Variants in AMPD1 observed in about 807,000 individuals in gnomAD.
AMPD1 encodes the protein adenosine monophosphate deaminase 1.
A neutral mutation model predicts 82.9 loss-of-function variants in AMPD1; 74 were observed. The observed-to-expected ratio is 0.89, with a 90% CI of 0.74 to 1.08. The LOEUF is 1.08. Among genes scored for constraint, AMPD1 ranks in the 50% least tolerant of loss-of-function variants. The pLI is 0.00. For missense variants in AMPD1, 881 were observed against 924.5 expected (o/e 0.95, Z 0.61); for synonymous variants, 333 against 320.5 (o/e 1.04, Z -0.42).
In AMPD1 at chr1:114,677,969, C is replaced by T; in HGVS notation, c.1165G>A (p.Asp389Asn). ...YNPVGASELR[D>N]LYLKTDNYIN... is the part of the protein sequence containing the mutation. ...TAATTGTCTGTCTTCAAGTAGAGGT[C>T]CCGTAGCTCACTTGCTCCTACAGGA... The change falls in exon 9 of 16, where the codon GAC (aspartate) becomes AAC (asparagine). Residue 389 changes from aspartate (D) to asparagine (N), a missense_variant. Transcript: ENST00000520113. The T allele has an allele frequency of 6.2e-7, 1 of 1,613,942 alleles. No homozygotes were observed. Among genetic ancestry groups the T allele is most frequent in the Non-Finnish European group, 8.5e-7 (1 of 1,179,982 alleles).
intron 2 of AMPD1, among the ~76,000 whole-genome samples, chr1:114,692,759 T>TC (rs1426540737): frequency 2.6e-5 from 4 of 151,918 alleles, no homozygotes; most frequent in Admixed American, 2.6e-4. Flanking sequence ...AACAATTTTT[T>TC]TTTTTTTTTT....
At chr1:114,685,641 T>C (rs1658292657) in intron 4 of AMPD1, among the ~76,000 whole-genome samples, 1 of 152,204 alleles carries the variant, frequency 6.6e-6, no homozygotes, top group South Asian at 2.1e-4. Context: ...GTGTACATTT[T>C]GTTCGTCCTC....
rs200977333 is a variant in AMPD1 at position 114,675,538 on chromosome 1, G to C, written c.1671C>G (p.Ser557Arg). Residue 557 changes from serine to arginine, a missense_variant, in exon 12 of 16, where the codon AGC (serine) becomes AGG (arginine). Ser to Arg is a moderately radical substitution (Grantham distance 110). Transcript: ENST00000520113. ...YMYANIMVLNSLRKERGMNTF... is the reference protein window; with the variant it reads ...YMYANIMVLNRLRKERGMNTF... Reference sequence around the variant, plus strand: ...AGCTGTCTCCTACTTACTTTCTCAGGCTGTTGAGCACCATGATGTTTGCAT... The same window carrying C: ...AGCTGTCTCCTACTTACTTTCTCAGCCTGTTGAGCACCATGATGTTTGCAT... 1.2e-6 allele frequency: 2 copies of C among 1,614,074 alleles called. No homozygotes were observed. Among genetic ancestry groups the C allele is most frequent in the Non-Finnish European group, 8.5e-7 (1 of 1,179,972 alleles).
In AMPD1 at chr1:114,676,010, G is replaced by A. The variant is rs1214650642; in HGVS notation, c.1389-7C>T. 3.7e-6 allele frequency: 6 copies of A among 1,613,756 alleles called. No homozygotes were observed. Among genetic ancestry groups the A allele is most frequent in the Non-Finnish European group, 4.2e-6 (5 of 1,179,954 alleles). On this transcript the variant is annotated splice_region_variant and splice_polypyrimidine_tract_variant and intron_variant, in intron 10 of 15. Coordinates refer to ENST00000520113, the MANE Select transcript of AMPD1 (RefSeq NM_000036.3). ...CTTGGAACGGAACACATCACTAGAG[G>A]CAAGAATGAAGAGAATTTAGGAGAA...
In AMPD1 at chr1:114,678,424, G is replaced by T; in HGVS notation, c.1001C>A (p.Thr334Asn). ...QIDADRVVYS[T>N]KEKNLTLKEL... ...CTTTAGGGTCAGATTCTTCTCTTTGGTGCTATAGACCACTCTGTCAGCATC... is the reference window on the plus strand; with the variant it reads ...CTTTAGGGTCAGATTCTTCTCTTTGTTGCTATAGACCACTCTGTCAGCATC... The change falls in exon 8 of 16, where the codon ACC (threonine) becomes AAC (asparagine). Residue 334 changes from threonine to asparagine, a missense_variant. Thr to Asn is a moderately conservative substitution (Grantham distance 65). Around this residue, in one of 2 missense-constraint regions of AMPD1, gnomAD observed 783 missense variants for 786.4 expected, o/e 1.00. Coordinates refer to ENST00000520113, the MANE Select transcript of AMPD1 (RefSeq NM_000036.3). 1 of 1,614,022 alleles carries T rather than the reference G, an allele frequency of 6.2e-7. No homozygotes were observed. The highest frequency in any genetic ancestry group is 8.5e-7 in the Non-Finnish European group (1 of 1,179,976).
Position 114,680,137 on chromosome 1 carries a change from A to G in AMPD1, c.767+122T>C, listed in dbSNP as rs1466888674. On this transcript the variant is annotated intron_variant, in intron 6 of 15. Transcript: ENST00000520113. ...ACAATGTGCATGAAGGGCTTAATAC[A>G]GTGTTTGAACATAGTAAGCATTTAG... is the stretch of plus-strand genomic sequence containing the variant. The G allele has an allele frequency of 1.2e-5, 11 of 893,688 alleles. No homozygotes were observed. In the Admixed American group the frequency reaches 1.3e-4, roughly 11 times the overall value. 55.4% of individuals were successfully genotyped at this position (893,688 alleles called of 1,614,324 possible).
intron 8 of AMPD1, 139 bp from the exon 9 acceptor site, chr1:114,678,180 A>G (rs774679347): frequency 3.4e-6 from 5 of 1,457,908 alleles, no homozygotes; most frequent in Non-Finnish European, 4.8e-6. Context: ...GGGACAGGTG[A>G]CAATGAGCAA....
At position 114,678,408 on chromosome 1, in the gene AMPD1, C is replaced by A; in HGVS notation, c.1017G>T (p.Leu339=). Residue 339 remains leucine, a synonymous_variant, in exon 8 of 16, where the codon CTG becomes CTT. Transcript: ENST00000520113. ...RVVYSTKEKN[L]TLKELFAKLK... is the part of the protein sequence containing the mutation. Reference sequence around the variant, plus strand: ...ATTTAGCAAAAAGTTCCTTTAGGGTCAGATTCTTCTCTTTGGTGCTATAGA... The same window carrying A: ...ATTTAGCAAAAAGTTCCTTTAGGGTAAGATTCTTCTCTTTGGTGCTATAGA... 1 of 1,614,110 alleles carries A rather than the reference C, an allele frequency of 6.2e-7. No individual in the cohort carries two copies. The highest frequency in any genetic ancestry group is 1.1e-5 in the South Asian group (1 of 91,080).
At chr1:114,693,191 C>A (rs1658569769) in intron 2 of AMPD1, among the ~76,000 whole-genome samples, 1 of 148,354 alleles carries the variant, frequency 6.7e-6, no homozygotes, top group Non-Finnish European at 1.5e-5. Flanking sequence ...ATGAGGTTTT[C>A]TTTTAAAAAA....
Position 114,687,859 on chromosome 1 carries a change from C to T in AMPD1, c.215+702G>A, listed in dbSNP as rs114080858. Among the ~76,000 whole-genome samples the T allele has an allele frequency of 4.1e-3, 627 of 152,248 alleles. 7 individuals carry two copies. The highest frequency in any genetic ancestry group is 0.014 in the African/African-American group (577 of 41,546). On this transcript the variant is annotated intron_variant, in intron 3 of 15. Coordinates refer to ENST00000520113, the MANE Select transcript of AMPD1 (RefSeq NM_000036.3). Reference sequence around the variant, plus strand: ...AGGATTCATGTCAGGGAGCATAACACTAAGGTTGGCTAGGGACAGAGTCTG... The same window carrying T: ...AGGATTCATGTCAGGGAGCATAACATTAAGGTTGGCTAGGGACAGAGTCTG...
intron 5 of AMPD1, among the ~76,000 whole-genome samples, chr1:114,681,794 T>G (rs1658166897): frequency 6.6e-6 from 1 of 152,130 alleles, no homozygotes; most frequent in East Asian, 1.9e-4. Flanking sequence ...CCTATGGGTT[T>G]TGGCAAATGT....
In AMPD1 at chr1:114,673,677, C is replaced by A; in HGVS notation, c.2047G>T (p.Ala683Ser). ...CCACACTGCAAGACACTGTTCCTTG[C>A]CACTTCGCACATATCACAGGTGCTC... ...KLSTCDMCEVARNSVLQCGIS... is the reference protein window; with the variant it reads ...KLSTCDMCEVSRNSVLQCGIS... Residue 683 changes from alanine (A) to serine (S), a missense_variant, in exon 15 of 16, where the codon GCA (alanine) becomes TCA (serine). Physicochemically the swap from Ala to Ser is moderately conservative, Grantham distance 99 (BLOSUM62 1). Coordinates refer to ENST00000520113, the MANE Select transcript of AMPD1 (RefSeq NM_000036.3). 2 of 1,614,080 alleles carry A rather than the reference C, an allele frequency of 1.2e-6. No homozygotes were observed. The highest frequency in any genetic ancestry group is 1.7e-6 in the Non-Finnish European group (2 of 1,179,982).
chr1:114,674,637 C>A, intron 13 of AMPD1, 115 bp downstream of exon 13: 2 of 1,314,088 alleles, frequency 1.5e-6, no homozygotes, highest in South Asian at 1.3e-5. Context: ...ATCTTTTATG[C>A]TCTACTTGAT....
chr1:114,684,261 G>A lies in AMPD1; in HGVS notation c.485C>T (p.Pro162Leu). The A allele has an allele frequency of 6.2e-7, 1 of 1,614,130 alleles. No homozygotes were observed. Among genetic ancestry groups the A allele is most frequent in the East Asian group, 2.2e-5 (1 of 44,880 alleles). The change falls in exon 5 of 16, where the codon CCT becomes CTT. Residue 162 changes from proline to leucine, a missense_variant. Around this residue, in one of 2 missense-constraint regions of AMPD1, gnomAD observed 783 missense variants for 786.4 expected, o/e 1.00. Transcript: ENST00000520113. ...ATCAATGTTCCGCAAGTATTTGGAA[G>A]GGGTTTTAGGGAACCTCTGAAACGA... ...QKSFQRFPKT[P>L]SKYLRNIDGE...
rs1658068876 is a variant in AMPD1 at position 114,678,569 on chromosome 1, T to C, written c.898-42A>G. 6 of 1,541,520 alleles carry C rather than the reference T, an allele frequency of 3.9e-6. No homozygotes were observed. The African/African-American group carries it at 8.2e-5, about 21-fold the overall frequency. ...AGAAAGAAAAAAACATCAATCAGCC[T>C]TAGTTATGCTACTCTGTTTAGAGGA... On this transcript the variant is annotated intron_variant, in intron 7 of 15. Transcript: ENST00000520113.
Position 114,675,677 on chromosome 1 carries a change from C to A in AMPD1, c.1532G>T (p.Ser511Ile). Residue 511 changes from serine (S) to isoleucine (I), a missense_variant, in exon 12 of 16, where the codon AGT (serine) becomes ATT (isoleucine). Physicochemically the swap from Ser to Ile is moderately radical, Grantham distance 142. This residue lies in a region of AMPD1 where 783 missense variants were observed against 786.4 expected (regional missense o/e 1.00). Transcript: ENST00000520113. ...VFLKHITGFD[S>I]VDDESKHSGH... ...ACTGTGTTTGGACTCATCATCCACA[C>A]TGTCAAAGCCAGTGATCTGTTAGGA... is the stretch of plus-strand genomic sequence containing the variant. 1.2e-6 allele frequency: 2 copies of A among 1,614,212 alleles called. No individual in the cohort carries two copies. Among genetic ancestry groups the A allele is most frequent in the South Asian group, 2.2e-5 (2 of 91,090 alleles).
At position 114,673,624 on chromosome 1, in the gene AMPD1, T is replaced by C; in HGVS notation, c.2085+15A>G. On this transcript the variant is annotated intron_variant, in intron 15 of 15. Transcript: ENST00000520113. Reference sequence around the variant, plus strand: ...CCCTATACTCAGAAGGGAAGCCATTTGAAGACAGGTCTACCTCATGAGAAA... The same window carrying C: ...CCCTATACTCAGAAGGGAAGCCATTCGAAGACAGGTCTACCTCATGAGAAA... 2 of 1,597,700 alleles carry C rather than the reference T, an allele frequency of 1.3e-6. No individual in the cohort carries two copies. The highest frequency in any genetic ancestry group is 1.1e-5 in the South Asian group (1 of 90,746).
chr1:114,676,032 A>T, intron 10 of AMPD1, 29 bp from the exon 11 acceptor site: 1 of 1,612,470 alleles, frequency 6.2e-7, no homozygotes, highest in South Asian at 1.1e-5. Context: ...AGAATTTAGG[A>T]GAAAAAAAGA....
intron 5 of AMPD1, chr1:114,683,189 T>A: frequency 2.3e-6 from 1 of 440,642 alleles, no homozygotes; most frequent in Non-Finnish European, 4.5e-6. Context: ...GAACATGTAG[T>A]TTACATCTAT....
Sources: allele counts gnomAD v4.1 joint callset (sites outside exome capture counted in the v4.1 genomes callset), GRCh38; gene constraint gnomAD v4.1.1; regional missense constraint gnomAD v4.1.1; transcripts MANE v1.5; gene names NCBI Gene and HGNC (gene_info 2026-07-23, HGNC 2026-07-21).